The following KCNK10 variants were observed in gnomAD, a reference collection of about 807,000 sequenced individuals.
KCNK10 encodes potassium channel subfamily K member 10.
A neutral mutation model predicts 47.7 loss-of-function variants in KCNK10; 25 were observed. That is an observed-to-expected ratio of 0.52 (90% CI 0.38 to 0.73). The LOEUF is 0.73. Ranked by LOEUF, KCNK10 falls within the 30% of genes least tolerant of loss-of-function variation. The probability of loss-of-function intolerance (pLI) is 0.00; values close to 1 mark genes in which losing one functional copy is unlikely to be tolerated. For missense variants in KCNK10, 563 were observed against 714.5 expected, an observed-to-expected ratio of 0.79 and a Z score of 2.42; for synonymous variants, 303 against 285.6, an observed-to-expected ratio of 1.06 and a Z score of -0.61.
At chr14:88,201,649 G>A (rs1242264571) in intron 4 of KCNK10, among the ~76,000 whole-genome samples, 2 of 151,546 alleles carry the variant, frequency 1.3e-5, no homozygotes, top group Non-Finnish European at 2.9e-5. Context: ...AACAGAGTGA[G>A]ACTACGTCTC....
At chr14:88,222,956 G>T (rs1218187924) in intron 4 of KCNK10, among the ~76,000 whole-genome samples, 3 of 152,160 alleles carry the variant, frequency 2.0e-5, no homozygotes, top group Non-Finnish European at 4.4e-5. Context: ...GTGAGATAAG[G>T]GTTCAAATTC....
intron 4 of KCNK10, among the ~76,000 whole-genome samples, chr14:88,206,349 G>A (rs960904972): frequency 7.9e-5 from 12 of 152,260 alleles, no homozygotes; most frequent in Non-Finnish European, 2.9e-5. Flanking sequence ...AACAATCAGT[G>A]CCACAAATCA....
chr14:88,261,704 G>A (rs1226624118), intron 2 of KCNK10, among the ~76,000 whole-genome samples: 8 of 151,662 alleles, frequency 5.3e-5, no homozygotes, highest in Non-Finnish European at 1.0e-4. Flanking sequence ...AACCTGCAAT[G>A]AGCCATGATC....
chr14:88,219,814 C>A (rs566151231), intron 4 of KCNK10, among the ~76,000 whole-genome samples: 12 of 152,254 alleles, frequency 7.9e-5, no homozygotes, highest in Non-Finnish European at 1.5e-5. Context: ...AAATAATTTT[C>A]ATTTCTAACA....
chr14:88,199,172 G>T (rs949260961), intron 4 of KCNK10, among the ~76,000 whole-genome samples: 1 of 151,992 alleles, frequency 6.6e-6, no homozygotes, highest in African/African-American at 2.4e-5. Context: ...CACCCGCCTC[G>T]GTCTGCCAAA....
chr14:88,262,744 G>T (rs1447143841), intron 2 of KCNK10, among the ~76,000 whole-genome samples: 1 of 152,172 alleles, frequency 6.6e-6, no homozygotes, highest in African/African-American at 2.4e-5. Context: ...TCAGGCCACT[G>T]ACAGCCTCTT....
intron 1 of KCNK10, among the ~76,000 whole-genome samples, chr14:88,272,904 G>A (rs915491303): frequency 6.6e-6 from 1 of 152,188 alleles, no homozygotes; most frequent in Admixed American, 6.5e-5. Context: ...AGGAAGAAAG[G>A]AGGCGTCTGG....
At position 88,323,074 on chromosome 14, in the gene KCNK10, AGGAT is replaced by A; in HGVS notation, c.-280_-277del. On this transcript the variant is annotated 5_prime_UTR_variant, in exon 1 of 7. Transcript: ENST00000319231. ...GTAAGATCGGCGAGGGGTGGATGAAAGGATGGAGAGGAAGGCTTGGGGAGATGGA... is the reference window on the plus strand; with the variant it reads ...GTAAGATCGGCGAGGGGTGGATGAAAGGAGAGGAAGGCTTGGGGAGATGGA... 7.9e-7 allele frequency: 1 copy of A among 1,271,134 alleles called. No homozygotes were observed. The allele number at this position is 1,271,134 out of a possible 1,614,324, so 78.7% of individuals were successfully genotyped here.
At chr14:88,198,527 G>A (rs1036401013) in intron 4 of KCNK10, among the ~76,000 whole-genome samples, 1 of 152,198 alleles carries the variant, frequency 6.6e-6, no homozygotes, top group African/African-American at 2.4e-5. Context: ...ACAGCTAAAA[G>A]GTAGACTCAC....
intron 2 of KCNK10, among the ~76,000 whole-genome samples, chr14:88,258,126 G>A (rs1296745828): frequency 1.3e-5 from 2 of 152,006 alleles, no homozygotes; most frequent in African/African-American, 4.8e-5. Context: ...AAGAACAGTA[G>A]CAGCAATAGA....
intron 1 of KCNK10, among the ~76,000 whole-genome samples, chr14:88,297,621 T>G (rs1015237545): frequency 6.6e-6 from 1 of 152,204 alleles, no homozygotes; most frequent in Admixed American, 6.5e-5. Flanking sequence ...TTCCTGGCAC[T>G]TAACCAATCC....
intron 4 of KCNK10, among the ~76,000 whole-genome samples, chr14:88,201,907 C>T (rs925887006): frequency 4.6e-5 from 7 of 152,216 alleles, no homozygotes; most frequent in Admixed American, 4.6e-4. Context: ...TCCAGGGACA[C>T]ATGCTCCATA....
chr14:88,211,718 A>G (rs1885462708), intron 4 of KCNK10, among the ~76,000 whole-genome samples: 1 of 151,780 alleles, frequency 6.6e-6, no homozygotes, highest in African/African-American at 2.4e-5. Context: ...CAAAATGGTG[A>G]AACCCCGTCT....
At chr14:88,217,512 G>T (rs563441722) in intron 4 of KCNK10, among the ~76,000 whole-genome samples, 1 of 152,066 alleles carries the variant, frequency 6.6e-6, no homozygotes, top group East Asian at 1.9e-4. Flanking sequence ...TCCAAAACAG[G>T]GATTTTGATC....
intron 1 of KCNK10, among the ~76,000 whole-genome samples, chr14:88,297,413 A>G (rs899038456): frequency 6.6e-6 from 1 of 152,232 alleles, no homozygotes; most frequent in Non-Finnish European, 1.5e-5. Flanking sequence ...ATTGGACACT[A>G]TTTTTAAGTG....
chr14:88,228,018 A>G (rs989655573), intron 3 of KCNK10, among the ~76,000 whole-genome samples: 2 of 152,182 alleles, frequency 1.3e-5, no homozygotes, highest in African/African-American at 4.8e-5. Context: ...GTCTAGTACA[A>G]GGTTAGAAAG....
intron 6 of KCNK10, 83 bp downstream of exon 6, chr14:88,187,884 A>G: frequency 1.3e-6 from 2 of 1,492,604 alleles, no homozygotes; most frequent in Admixed American, 1.8e-5. Flanking sequence ...GAAACACTCC[A>G]GCCCACAGGA....
chr14:88,184,588 T>C lies in KCNK10; in HGVS notation c.*947A>G, dbSNP rs532618485. 2 of 152,432 alleles carry C rather than the reference T, an allele frequency of 1.3e-5. No individual in the cohort carries two copies. Among genetic ancestry groups the C allele is most frequent in the East Asian group, 3.8e-4 (2 of 5,320 alleles). The allele number at this position is 152,432 out of a possible 1,614,324, so 9.4% of individuals were successfully genotyped here. A position where few individuals can be genotyped will look rare whatever the true frequency, so the allele number is the denominator to read the frequency against. On this transcript the variant is annotated 3_prime_UTR_variant, in exon 7 of 7. Coordinates refer to ENST00000319231, the MANE Select transcript of KCNK10 (RefSeq NM_138317.3). ...TGCAGGATGTCTACTTTTGTAAAAA[T>C]GTAGGATCAGCTAGACAGAACAGCA...
intron 2 of KCNK10, among the ~76,000 whole-genome samples, chr14:88,254,230 C>A (rs1886882966): frequency 6.6e-6 from 1 of 152,162 alleles, no homozygotes; most frequent in Non-Finnish European, 1.5e-5. Context: ...AGTGAGATAA[C>A]CTGCTCACTC....
Sources: allele counts gnomAD v4.1 joint callset (sites outside exome capture counted in the v4.1 genomes callset), GRCh38; gene constraint gnomAD v4.1.1; transcripts MANE v1.5; gene names NCBI Gene and HGNC (gene_info 2026-07-23, HGNC 2026-07-21).